NRF1: variants seen among roughly 807,000 people sequenced by gnomAD.
The protein encoded by NRF1 is alpha palindromic-binding protein.
In NRF1, 5 loss-of-function variants were observed where a neutral mutation model predicts 58.5. The observed-to-expected ratio is 0.09, with a 90% CI of 0.04 to 0.18. The LOEUF is 0.18. Among genes scored for constraint, NRF1 ranks in the 10% least tolerant of loss-of-function variants. The pLI, the probability that NRF1 is intolerant of heterozygous loss-of-function variation, is 1.00. For missense variants in NRF1, 288 were observed against 657.7 expected, an observed-to-expected ratio of 0.44 and a Z score of 6.15; for synonymous variants, 224 against 246.7, an observed-to-expected ratio of 0.91 and a Z score of 0.86.
At chr7:129,635,291 T>G (rs942848743) in intron 1 of NRF1, among the ~76,000 whole-genome samples, 1 of 152,234 alleles carries the variant, frequency 6.6e-6, no homozygotes, top group Non-Finnish European at 1.5e-5. Context: ...TAAAATGTTT[T>G]AAGACTATGA....
rs1802542402 is a variant in NRF1 at position 129,690,565 on chromosome 7, G to A, written c.606+19G>A. 6.2e-7 allele frequency: 1 copy of A among 1,613,804 alleles called. No homozygotes were observed. Among genetic ancestry groups the A allele is most frequent in the Non-Finnish European group, 8.5e-7 (1 of 1,179,822 alleles). Reference sequence around the variant, plus strand: ...GACCCAGGTGAGGGGTGGGAGGTGAGGAGGAGACTCAAAGACAAGTGGCAC... The same window carrying A: ...GACCCAGGTGAGGGGTGGGAGGTGAAGAGGAGACTCAAAGACAAGTGGCAC... On this transcript the variant is annotated intron_variant, in intron 5 of 10. Coordinates refer to ENST00000393232, the MANE Select transcript of NRF1 (RefSeq NM_005011.5).
intron 9 of NRF1, among the ~76,000 whole-genome samples, chr7:129,726,765 C>T (rs891298563): frequency 2.0e-5 from 3 of 152,202 alleles, no homozygotes; most frequent in African/African-American, 7.2e-5. Context: ...TTGCTGCTGA[C>T]TCCTCATATT....
chr7:129,694,878 A>G (rs533570482), intron 5 of NRF1, among the ~76,000 whole-genome samples: 10 of 152,340 alleles, frequency 6.6e-5, no homozygotes, highest in African/African-American at 2.2e-4. Flanking sequence ...CATGCCCTCC[A>G]GTTAAACACA....
chr7:129,716,885 G>A (rs1037369035), intron 8 of NRF1, among the ~76,000 whole-genome samples: 1 of 149,716 alleles, frequency 6.7e-6, no homozygotes, highest in Non-Finnish European at 1.5e-5. Flanking sequence ...AAAAAAAAAG[G>A]TACAGTGGAA....
rs1480354923 is a variant in NRF1, at chr7:129,660,979, C to T, written c.223+3405C>T. On this transcript the variant is annotated intron_variant, in intron 2 of 10. Coordinates refer to ENST00000393232, the MANE Select transcript of NRF1 (RefSeq NM_005011.5). ...GCCTGGATATCCAGGAGTTTTCATA[C>T]ATCCTCTGAAATCCAGGCATAGGTT... Among the ~76,000 whole-genome samples the T allele has an allele frequency of 1.3e-5, 2 of 151,342 alleles. 1 individual carries two copies. The highest frequency in any genetic ancestry group is 4.9e-5 in the African/African-American group (2 of 40,590).
chr7:129,689,778 C>T (rs79677010), intron 4 of NRF1, among the ~76,000 whole-genome samples: 6,474 of 152,264 alleles, frequency 0.043, 169 homozygotes, highest in Middle Eastern at 0.12. Context: ...CAAGCCCTAC[C>T]AGAAGCAAGG....
chr7:129,732,233 G>A (rs933787768), intron 10 of NRF1, among the ~76,000 whole-genome samples: 3 of 152,162 alleles, frequency 2.0e-5, no homozygotes, highest in African/African-American at 7.2e-5. Flanking sequence ...TGAAAGAGAA[G>A]GATTATATTG....
At chr7:129,736,852 G>A (rs2116282689) in intron 10 of NRF1, among the ~76,000 whole-genome samples, 1 of 152,270 alleles carries the variant, frequency 6.6e-6, no homozygotes. Context: ...GCAATGGAGA[G>A]GGGAGGTCCC....
intron 1 of NRF1, among the ~76,000 whole-genome samples, chr7:129,653,203 C>G (rs917718152): frequency 6.6e-6 from 1 of 152,192 alleles, no homozygotes; most frequent in Non-Finnish European, 1.5e-5. Context: ...TGGCTTATTT[C>G]ACTGAGCAGA....
chr7:129,612,895 A>G (rs1333846701), intron 1 of NRF1, among the ~76,000 whole-genome samples: 4 of 152,172 alleles, frequency 2.6e-5, no homozygotes, highest in Admixed American at 6.5e-5. Context: ...TAAAAATCTT[A>G]ATACTTGGGG....
rs543072176 is a variant in NRF1, at chr7:129,698,034, C to A, written c.606+7488C>A. ...GGTGTGAGCCACTGCACCCAGCCAA[C>A]ATTTACTTTTTAAAAGAATTTTTTA... On this transcript the variant is annotated intron_variant, in intron 5 of 10. Coordinates refer to ENST00000393232, the MANE Select transcript of NRF1 (RefSeq NM_005011.5). Among the ~76,000 whole-genome samples the A allele has an allele frequency of 6.6e-5, 10 of 152,174 alleles. No individual in the cohort carries two copies. In the South Asian group the frequency reaches 8.3e-4, roughly 13 times the overall value.
At position 129,611,728 on chromosome 7, in the gene NRF1, C is replaced by T; in HGVS notation, c.-103C>T. 2 of 348,830 alleles carry T rather than the reference C, an allele frequency of 5.7e-6. No individual in the cohort carries two copies. Among genetic ancestry groups the T allele is most frequent in the Non-Finnish European group, 1.0e-5 (2 of 194,122 alleles). 21.6% of individuals were successfully genotyped at this position (348,830 alleles called of 1,614,324 possible). On this transcript the variant is annotated 5_prime_UTR_variant, in exon 1 of 11. Coordinates refer to ENST00000393232, the MANE Select transcript of NRF1 (RefSeq NM_005011.5). Reference sequence around the variant, plus strand: ...GCGGCGGCGGCGGCGGCAGAAGCGGCAGCGCTCGCCATTGCCGCTGGTGGC... The same window carrying T: ...GCGGCGGCGGCGGCGGCAGAAGCGGTAGCGCTCGCCATTGCCGCTGGTGGC...
At chr7:129,752,895 TCTC>T (rs573712786) in intron 10 of NRF1, among the ~76,000 whole-genome samples, 77 of 152,248 alleles carry the variant, frequency 5.1e-4, no homozygotes, top group African/African-American at 1.6e-3. Context: ...GGCTGGCCTC[TCTC>T]CTCCTCCTTT....
intron 1 of NRF1, among the ~76,000 whole-genome samples, chr7:129,623,961 T>C (rs1156671626): frequency 2.6e-5 from 4 of 152,220 alleles, no homozygotes; most frequent in Non-Finnish European, 4.4e-5. Context: ...CTTAAACTTC[T>C]GTATCTGAAA....
At chr7:129,737,488 G>A (rs1803743961) in intron 10 of NRF1, among the ~76,000 whole-genome samples, 1 of 151,970 alleles carries the variant, frequency 6.6e-6, no homozygotes, top group African/African-American at 2.4e-5. Context: ...TTTACTTACT[G>A]CATGTCCCAC....
chr7:129,749,793 C>CA (rs1239432226), intron 10 of NRF1, among the ~76,000 whole-genome samples: 1 of 151,708 alleles, frequency 6.6e-6, no homozygotes, highest in Non-Finnish European at 1.5e-5. Context: ...ATTTGGGGAA[C>CA]AAAATCAGTC....
intron 5 of NRF1, among the ~76,000 whole-genome samples, chr7:129,699,314 G>T (rs1164166573): frequency 6.6e-6 from 1 of 152,066 alleles, no homozygotes; most frequent in East Asian, 1.9e-4. Flanking sequence ...AAAAACATTG[G>T]TCTCACCTCT....
intron 1 of NRF1, among the ~76,000 whole-genome samples, chr7:129,612,295 C>CGCGGGCGGGCGG (rs140553648): frequency 6.7e-6 from 1 of 149,762 alleles, no homozygotes; most frequent in Non-Finnish European, 1.5e-5. Flanking sequence ...GGCTCTCGTA[C>CGCGGGCGGGCGG]GCGGGCGGGC....
At chr7:129,673,994 A>T (rs960201516) in intron 3 of NRF1, among the ~76,000 whole-genome samples, 18 of 151,812 alleles carry the variant, frequency 1.2e-4, no homozygotes, top group African/African-American at 4.4e-4. Context: ...AGAAAATATA[A>T]GCCAGGCATG....
Sources: allele counts gnomAD v4.1 joint callset (sites outside exome capture counted in the v4.1 genomes callset), GRCh38; gene constraint gnomAD v4.1.1; transcripts MANE v1.5; gene names NCBI Gene and HGNC (gene_info 2026-07-23, HGNC 2026-07-21).